MIER2: variants seen among roughly 807,000 people sequenced by gnomAD.
The protein encoded by MIER2 is MIER family member 2.
A neutral mutation model predicts 67.6 loss-of-function variants in MIER2; 30 were observed. The observed-to-expected ratio is 0.44, with a 90% CI of 0.33 to 0.60. The LOEUF is 0.60. Among genes scored for constraint, MIER2 ranks in the 20% least tolerant of loss-of-function variants. The probability of loss-of-function intolerance (pLI) is 0.02; values close to 1 mark genes in which losing one functional copy is unlikely to be tolerated. For synonymous variants in MIER2, 372 were observed against 312.6 expected (o/e 1.19, Z -2.00); for missense variants, 702 against 745.1 (o/e 0.94, Z 0.67).
chr19:316,906 T>A (rs1385122551), intron 7 of MIER2, among the ~76,000 whole-genome samples: 2 of 149,562 alleles, frequency 1.3e-5, no homozygotes, highest in Non-Finnish European at 3.0e-5. Flanking sequence ...GAGGCGGAGG[T>A]TGCAATGAGC....
intron 7 of MIER2, among the ~76,000 whole-genome samples, chr19:319,777 T>C (rs557156148): frequency 6.6e-6 from 1 of 152,206 alleles, no homozygotes; most frequent in East Asian, 1.9e-4. Flanking sequence ...TAAAGAATAA[T>C]TCCTCCAGAG....
chr19:334,805 G>A (rs1600168747), intron 2 of MIER2, among the ~76,000 whole-genome samples: 1 of 152,184 alleles, frequency 6.6e-6, no homozygotes, highest in East Asian at 1.9e-4. Flanking sequence ...CCTGAACACA[G>A]AGAAGCCTGC....
At position 306,328 on chromosome 19, in the gene MIER2, C is replaced by T. The variant is rs895940553; in HGVS notation, c.*362G>A. 2.5e-5 allele frequency: 8 copies of T among 326,468 alleles called. No individual in the cohort carries two copies. The highest frequency in any genetic ancestry group is 6.3e-5 in the South Asian group (1 of 15,816). 20.2% of individuals were successfully genotyped at this position (326,468 alleles called of 1,614,324 possible). A position where few individuals can be genotyped will look rare whatever the true frequency, so the allele number is the denominator to read the frequency against. On this transcript the variant is annotated 3_prime_UTR_variant, in exon 14 of 14. Coordinates refer to ENST00000264819, the MANE Select transcript of MIER2 (RefSeq NM_017550.3). ...GCCCGTCTCCCCGCCGGGGCAGTGACGCCTTCCCTCGCCTCTGCTGGCTGG... is the reference window on the plus strand; with the variant it reads ...GCCCGTCTCCCCGCCGGGGCAGTGATGCCTTCCCTCGCCTCTGCTGGCTGG...
At chr19:329,866 CAAAAAAAAAA>C (rs36067469) in intron 3 of MIER2, among the ~76,000 whole-genome samples, 1 of 94,800 alleles carries the variant, frequency 1.1e-5, no homozygotes, top group African/African-American at 4.0e-5. Context: ...TACTCCGTCT[CAAAAAAAAAA>C]AAAAAAAAAA....
rs1600099477 is a variant in MIER2 at position 305,794 on chromosome 19, G to A, written c.*896C>T. The A allele has an allele frequency of 6.5e-6, 1 of 152,810 alleles. No homozygotes were observed. The highest frequency in any genetic ancestry group is 2.1e-4 in the South Asian group (1 of 4,834). The allele number at this position is 152,810 out of a possible 1,614,324, so 9.5% of individuals were successfully genotyped here. On this transcript the variant is annotated 3_prime_UTR_variant, in exon 14 of 14. Transcript: ENST00000264819. ...GAAACAGAAACGAACGAGAGGGCCA[G>A]GGAGGAGGGGGACCAGGACTCCAAG...
At chr19:313,720 C>A in intron 7 of MIER2, 77 bp from the exon 8 acceptor site, 1 of 1,546,510 alleles carries the variant, frequency 6.5e-7, no homozygotes, top group Non-Finnish European at 8.7e-7. Flanking sequence ...GCAAAGCAGC[C>A]AACTCAGCCC....
rs369809527 is a variant in MIER2, at chr19:311,971, G to A, written c.890-32C>T. 267 of 1,606,702 alleles carry A rather than the reference G, an allele frequency of 1.7e-4. No individual in the cohort carries two copies. In the Middle Eastern group the frequency reaches 3.1e-3, roughly 19 times the overall value. ...ACACGGCCGGGGAGAACGGTCAGTG[G>A]TGCCCAGGGCGGGGCCGCAGCGGAA... On this transcript the variant is annotated intron_variant, in intron 9 of 13. Transcript: ENST00000264819.
intron 1 of MIER2, chr19:344,301 G>A (rs1181237687): frequency 1.0e-6 from 1 of 984,932 alleles, no homozygotes; most frequent in Admixed American, 6.1e-5. Context: ...GAGGCGCGGT[G>A]GGTCCACCGG....
chr19:323,815 A>C (rs1342891408), intron 7 of MIER2, among the ~76,000 whole-genome samples: 2 of 151,718 alleles, frequency 1.3e-5, no homozygotes, highest in African/African-American at 4.8e-5. Context: ...TCACAATGCA[A>C]TACACAAGAC....
chr19:306,561 T>C lies in MIER2; in HGVS notation c.*129A>G. On this transcript the variant is annotated 3_prime_UTR_variant, in exon 14 of 14. Transcript: ENST00000264819. ...GCCACCTCACCCCAGTCCTGACGTG[T>C]TCTGAAGCAGAAGGAGGTGCTACCC... 7.9e-7 allele frequency: 1 copy of C among 1,266,674 alleles called. No homozygotes were observed. Among genetic ancestry groups the C allele is most frequent in the Non-Finnish European group, 1.1e-6 (1 of 900,018 alleles). The allele number at this position is 1,266,674 out of a possible 1,614,324, so 78.5% of individuals were successfully genotyped here. A position where few individuals can be genotyped will look rare whatever the true frequency, so the allele number is the denominator to read the frequency against.
chr19:318,425 G>C (rs777025864), intron 7 of MIER2, among the ~76,000 whole-genome samples: 16 of 152,262 alleles, frequency 1.1e-4, no homozygotes, highest in Non-Finnish European at 2.2e-4. Flanking sequence ...ATCTTAACGT[G>C]TATGCACTTA....
At chr19:321,862 T>C (rs1971517869) in intron 7 of MIER2, among the ~76,000 whole-genome samples, 1 of 151,984 alleles carries the variant, frequency 6.6e-6, no homozygotes, top group Non-Finnish European at 1.5e-5. Flanking sequence ...TGCAGCTCAG[T>C]GGGGGAGACA....
rs1471617144 is a variant in MIER2 at position 312,444 on chromosome 19, A to G, written c.808-172T>C. On this transcript the variant is annotated intron_variant, in intron 8 of 13. Coordinates refer to ENST00000264819, the MANE Select transcript of MIER2 (RefSeq NM_017550.3). Reference sequence around the variant, plus strand: ...AGTGACATCAGGGGCCGTCCACACCACCCTCCTGGGCGATGTCAGGGCCAC... The same window carrying G: ...AGTGACATCAGGGGCCGTCCACACCGCCCTCCTGGGCGATGTCAGGGCCAC... 2.7e-4 allele frequency among the ~76,000 whole-genome samples: 33 copies of G among 122,148 alleles called. No homozygotes were observed. In the South Asian group the frequency reaches 0.01, roughly 38 times the overall value. The allele number at this position is 122,148 out of a possible 152,430, so 80.1% of individuals were successfully genotyped here. A position where few individuals can be genotyped will look rare whatever the true frequency, so the allele number is the denominator to read the frequency against.
At position 344,763 on chromosome 19, in the gene MIER2, C is replaced by A. The variant is rs1374063895; in HGVS notation, c.9+11G>T. On this transcript the variant is annotated intron_variant, in intron 1 of 13. Transcript: ENST00000264819. ...GGGCGGGGGGCCGGCTCCCCCGGCCCGCTCACTCACCTCCGCCATGGCCGT... is the reference window on the plus strand; with the variant it reads ...GGGCGGGGGGCCGGCTCCCCCGGCCAGCTCACTCACCTCCGCCATGGCCGT... The A allele has an allele frequency of 8.4e-6, 10 of 1,185,468 alleles. No homozygotes were observed. The highest frequency in any genetic ancestry group is 6.4e-5 in the African/African-American group (4 of 62,378). The allele number at this position is 1,185,468 out of a possible 1,614,324, so 73.4% of individuals were successfully genotyped here. A position where few individuals can be genotyped will look rare whatever the true frequency, so the allele number is the denominator to read the frequency against.
rs767599287 is a variant in MIER2, at chr19:308,933, G to A, written c.985-8C>T. ...CACTGACCGTGTGCGCACCTGCGGGGAGGGGTCAGGAGCCATCTCTGTCCC... is the reference window on the plus strand; with the variant it reads ...CACTGACCGTGTGCGCACCTGCGGGAAGGGGTCAGGAGCCATCTCTGTCCC... On this transcript the variant is annotated splice_polypyrimidine_tract_variant and splice_region_variant and intron_variant, in intron 10 of 13. Transcript: ENST00000264819. The surrounding 1 kb of genome is among the most constrained non-coding windows in gnomAD (Gnocchi z 9.1). 6.3e-7 allele frequency: 1 copy of A among 1,595,004 alleles called. No homozygotes were observed. Among genetic ancestry groups the A allele is most frequent in the South Asian group, 1.1e-5 (1 of 90,490 alleles).
intron 3 of MIER2, among the ~76,000 whole-genome samples, chr19:328,313 G>C (rs1180553834): frequency 1.3e-5 from 2 of 151,920 alleles, no homozygotes; most frequent in African/African-American, 4.8e-5. Context: ...AGGAATACAA[G>C]GATGGTGCGA....
At position 313,647 on chromosome 19, in the gene MIER2, C is replaced by A; in HGVS notation, c.656-4G>T. ...AGCTGGTCTTCGTTCTCGTAGACTGCACAAGCAGAGGGCAAAGGTCAGCTT... is the reference window on the plus strand; with the variant it reads ...AGCTGGTCTTCGTTCTCGTAGACTGAACAAGCAGAGGGCAAAGGTCAGCTT... On this transcript the variant is annotated splice_polypyrimidine_tract_variant and splice_region_variant and intron_variant, in intron 7 of 13. Coordinates refer to ENST00000264819, the MANE Select transcript of MIER2 (RefSeq NM_017550.3). 1 of 1,609,212 alleles carries A rather than the reference C, an allele frequency of 6.2e-7. No individual in the cohort carries two copies. Among genetic ancestry groups the A allele is most frequent in the South Asian group, 1.1e-5 (1 of 90,998 alleles).
chr19:311,194 C>T (rs970160182), intron 10 of MIER2, among the ~76,000 whole-genome samples: 2 of 152,232 alleles, frequency 1.3e-5, no homozygotes, highest in Non-Finnish European at 2.9e-5. Context: ...AGTGCCCAAC[C>T]GGGGCGTGGA....
chr19:327,279 A>G (rs1304126275), intron 4 of MIER2, 23 bp from the exon 5 acceptor site: 2 of 1,566,598 alleles, frequency 1.3e-6, no homozygotes, highest in African/African-American at 2.8e-5. Context: ...AAAAAAAAGT[A>G]AAGAACATTT....
Sources: allele counts gnomAD v4.1 joint callset (sites outside exome capture counted in the v4.1 genomes callset), GRCh38; gene constraint gnomAD v4.1.1; non-coding constraint Gnocchi (gnomAD v3.1); transcripts MANE v1.5; gene names NCBI Gene and HGNC (gene_info 2026-07-23, HGNC 2026-07-21).